RIPPLY2: variants seen among roughly 807,000 people sequenced by gnomAD.
RIPPLY2 encodes the protein protein ripply2.
RIPPLY2 carries 20 observed loss-of-function variants against 17.7 expected under a neutral mutation model. The ratio of observed to expected loss-of-function variants is 1.13; its 90% CI spans 0.79 to 1.64. The LOEUF (loss-of-function observed/expected upper bound fraction) is 1.64, where lower values mean the gene tolerates loss of function less well. RIPPLY2 is among the 40% of genes most tolerant of loss of function. The pLI, the probability that RIPPLY2 is intolerant of heterozygous loss-of-function variation, is 0.00. For missense variants in RIPPLY2, 213 were observed against 169.8 expected, an observed-to-expected ratio of 1.25 and a Z score of -1.41; for synonymous variants, 69 against 63.9, an observed-to-expected ratio of 1.08 and a Z score of -0.38.
Position 83,853,822 on chromosome 6 carries a change from T to C in RIPPLY2, c.174+49T>C, listed in dbSNP as rs758025816. 3 of 1,525,400 alleles carry C rather than the reference T, an allele frequency of 2.0e-6. No homozygotes were observed. In the African/African-American group the frequency reaches 4.1e-5, roughly 21 times the overall value. 94.5% of individuals were successfully genotyped at this position (1,525,400 alleles called of 1,614,324 possible). On this transcript the variant is annotated intron_variant, in intron 2 of 3. Coordinates refer to ENST00000369689, the MANE Select transcript of RIPPLY2 (RefSeq NM_001009994.3). ...CCGCGCCTCCCACGGGTGCAGAAGATCGACCAGGGCTCTCGGGACGCAGGG... is the reference window on the plus strand; with the variant it reads ...CCGCGCCTCCCACGGGTGCAGAAGACCGACCAGGGCTCTCGGGACGCAGGG...
chr6:83,854,214 G>A (rs572199406), intron 3 of RIPPLY2, 53 bp downstream of exon 3: 2 of 1,432,086 alleles, frequency 1.4e-6, no homozygotes. Context: ...CCAGGGAGGA[G>A]CCAGGGGCAT....
intron 1 of RIPPLY2, 71 bp downstream of exon 1, chr6:83,853,582 T>A (rs2099454536): frequency 3.9e-6 from 6 of 1,534,942 alleles, no homozygotes; most frequent in Non-Finnish European, 5.2e-6. Flanking sequence ...CCCCAGCTCC[T>A]CCCCTCCAAC....
chr6:83,857,040 C>T (rs931174778), intron 3 of RIPPLY2: 4 of 307,274 alleles, frequency 1.3e-5, no homozygotes, highest in African/African-American at 2.2e-5. Context: ...TAAAGATTTA[C>T]AATAATCAAA....
chr6:83,857,480 G>A lies in RIPPLY2; in HGVS notation c.*91G>A. 1 of 691,356 alleles carries A rather than the reference G, an allele frequency of 1.4e-6. No homozygotes were observed. Among genetic ancestry groups the A allele is most frequent in the Non-Finnish European group, 2.1e-6 (1 of 486,110 alleles). 42.8% of individuals were successfully genotyped at this position (691,356 alleles called of 1,614,324 possible). ...ATAATTATTTTAAACTAATTTATTT[G>A]TATATAAATTATTAATAAAATGAAA... On this transcript the variant is annotated 3_prime_UTR_variant, in exon 4 of 4. Transcript: ENST00000369689.
intron 3 of RIPPLY2, chr6:83,854,404 GA>G: frequency 1.8e-6 from 1 of 553,424 alleles, no homozygotes; most frequent in Non-Finnish European, 3.2e-6. Context: ...TACGAAGAGG[GA>G]AAGGGGATGA....
chr6:83,853,362 C>T lies in RIPPLY2; in HGVS notation c.-55C>T. On this transcript the variant is annotated 5_prime_UTR_variant, in exon 1 of 4. Transcript: ENST00000369689. Reference sequence around the variant, plus strand: ...AGCTCGGGTCTCGGACCTACTGGAACTGGTCAAGATTGCCCGCGAGCTGGC... The same window carrying T: ...AGCTCGGGTCTCGGACCTACTGGAATTGGTCAAGATTGCCCGCGAGCTGGC... 6.9e-7 allele frequency: 1 copy of T among 1,449,192 alleles called. No individual in the cohort carries two copies. Among genetic ancestry groups the T allele is most frequent in the Admixed American group, 2.1e-5 (1 of 47,180 alleles). The allele number at this position is 1,449,192 out of a possible 1,614,324, so 89.8% of individuals were successfully genotyped here.
At position 83,853,402 on chromosome 6, in the gene RIPPLY2, C is replaced by T. The variant is rs909147379; in HGVS notation, c.-15C>T. 3.9e-6 allele frequency: 6 copies of T among 1,540,592 alleles called. No individual in the cohort carries two copies. In the African/African-American group the frequency reaches 8.2e-5, roughly 21 times the overall value. On this transcript the variant is annotated 5_prime_UTR_variant, in exon 1 of 4. Transcript: ENST00000369689. ...CGCGAGCTGGCAGCGGCCTTCCGCC[C>T]AGCTCTGCGGCGTCATGGAGAACGC...
chr6:83,855,202 A>G (rs766528397), intron 3 of RIPPLY2: 1 of 152,206 alleles, frequency 6.6e-6, no homozygotes. Context: ...TCAGAGGCCA[A>G]ATCTTGCACA....
At position 83,853,471 on chromosome 6, in the gene RIPPLY2, G is replaced by A. The variant is rs2099454511; in HGVS notation, c.55G>A (p.Ala19Thr). The A allele has an allele frequency of 1.3e-6, 2 of 1,540,888 alleles. No individual in the cohort carries two copies. The highest frequency in any genetic ancestry group is 8.7e-7 in the Non-Finnish European group (1 of 1,145,806). Residue 19 changes from alanine to threonine, a missense_variant, in exon 1 of 4, where the codon GCC (alanine) becomes ACC (threonine). Transcript: ENST00000369689. ...GTESGAAACA[A>T]TDGPTRRAGA... ...AGAGAGTGGAGCTGCGGCGTGCGCGGCCACCGACGGCCCTACGCGGCGCGC... is the reference window on the plus strand; with the variant it reads ...AGAGAGTGGAGCTGCGGCGTGCGCGACCACCGACGGCCCTACGCGGCGCGC...
intron 3 of RIPPLY2, chr6:83,854,864 C>T (rs1288825460): frequency 6.6e-6 from 1 of 152,250 alleles, no homozygotes; most frequent in East Asian, 1.9e-4. Context: ...AATTTCCTAC[C>T]GTGTGCTAGC....
chr6:83,853,976 C>A (rs990415398), intron 2 of RIPPLY2, 121 bp from the exon 3 acceptor site: 147 of 1,108,804 alleles, frequency 1.3e-4, no homozygotes, highest in Non-Finnish European at 1.9e-4. Context: ...CAGCCGGGAG[C>A]GAGGCTGCTG....
chr6:83,854,619 A>C (rs1228433533), intron 3 of RIPPLY2: 1 of 164,538 alleles, frequency 6.1e-6, no homozygotes, highest in African/African-American at 2.4e-5. Context: ...GAAAATCCTA[A>C]AGATTATTGA....
In RIPPLY2 at chr6:83,853,519, TC is replaced by T; in HGVS notation, c.95+12del. ...CGCGGGCGCGGACTCCGGGTAGGCT[TC>T]CCCGCGCTGCTCTGCGCCTCCCAGC... On this transcript the variant is annotated intron_variant, in intron 1 of 3. Coordinates refer to ENST00000369689, the MANE Select transcript of RIPPLY2 (RefSeq NM_001009994.3). 6.5e-7 allele frequency: 1 copy of T among 1,537,516 alleles called. No individual in the cohort carries two copies.
upstream of RIPPLY2, chr6:83,853,350 G>A (rs911356100): frequency 6.7e-6 from 9 of 1,346,126 alleles, no homozygotes; most frequent in African/African-American, 8.9e-5. Context: ...TCGGGTCTCG[G>A]ACCTACTGGA....
upstream of RIPPLY2, chr6:83,853,271 T>C (rs1233695151): frequency 1.6e-6 from 1 of 638,658 alleles, no homozygotes; most frequent in African/African-American, 2.0e-5. Flanking sequence ...TTTATGCGGC[T>C]AGCAGGGAGA....
At chr6:83,854,312 C>T in intron 3 of RIPPLY2, 151 bp downstream of exon 3, 7 of 661,616 alleles carry the variant, frequency 1.1e-5, no homozygotes, top group Non-Finnish European at 1.3e-5. Context: ...TCTCACTCAT[C>T]AAATTGAAAA....
intron 1 of RIPPLY2, 24 bp from the exon 2 acceptor site, chr6:83,853,671 G>T (rs2099454552): frequency 6.2e-7 from 1 of 1,608,154 alleles, no homozygotes; most frequent in Non-Finnish European, 8.5e-7. Flanking sequence ...TCCTCTGCGC[G>T]CCTTGTGCTC....
At chr6:83,856,783 G>T (rs1352060863) in intron 3 of RIPPLY2, 1 of 151,946 alleles carries the variant, frequency 6.6e-6, no homozygotes, top group Non-Finnish European at 1.5e-5. Context: ...TAAGATAATA[G>T]GTTATTTCCA....
Position 83,857,255 on chromosome 6 carries a change from A to G in RIPPLY2, c.253A>G (p.Lys85Glu). ...FRHPVRLFWP[K>E]SKCYDYLYQE... Reference sequence around the variant, plus strand: ...TGCTTCTTTCAGACTATTTTGGCCAAAATCAAAATGTTATGATTACTTATA... The same window carrying G: ...TGCTTCTTTCAGACTATTTTGGCCAGAATCAAAATGTTATGATTACTTATA... The change falls in exon 4 of 4, where the codon AAA becomes GAA. Residue 85 changes from lysine (K) to glutamate (E), a missense_variant. Transcript: ENST00000369689. 1 of 1,508,390 alleles carries G rather than the reference A, an allele frequency of 6.6e-7. No individual in the cohort carries two copies. The highest frequency in any genetic ancestry group is 8.9e-7 in the Non-Finnish European group (1 of 1,129,628). The allele number at this position is 1,508,390 out of a possible 1,614,324, so 93.4% of individuals were successfully genotyped here.
Sources: allele counts gnomAD v4.1 joint callset, GRCh38; gene constraint gnomAD v4.1.1; transcripts MANE v1.5; gene names NCBI Gene and HGNC (gene_info 2026-07-23, HGNC 2026-07-21).